The following TEKT3 variants were observed in gnomAD, a reference collection of about 807,000 sequenced individuals.
The protein encoded by TEKT3 is tektin 3, also known as tektin-3.
A neutral mutation model predicts 49.8 loss-of-function variants in TEKT3; 49 were observed. That is an observed-to-expected ratio of 0.98 (90% confidence interval 0.78 to 1.25). TEKT3 has a LOEUF of 1.25. Ranked by LOEUF, TEKT3 falls within the 50% of genes most tolerant of loss-of-function variation. The probability of loss-of-function intolerance (pLI) is 0.00; values close to 1 mark genes in which losing one functional copy is unlikely to be tolerated. For synonymous variants in TEKT3, 225 were observed against 237.2 expected (o/e 0.95, Z 0.47); for missense variants, 595 against 629.5 (o/e 0.95, Z 0.59).
intron 5 of TEKT3, among the ~76,000 whole-genome samples, chr17:15,314,942 G>T (rs1466343583): frequency 6.6e-6 from 1 of 152,210 alleles, no homozygotes; most frequent in Non-Finnish European, 1.5e-5. Context: ...CTGCCAGGCA[G>T]ACAGGGGACC....
chr17:15,333,773 T>A (rs923729891), intron 2 of TEKT3, among the ~76,000 whole-genome samples: 2 of 150,928 alleles, frequency 1.3e-5, no homozygotes, highest in African/African-American at 4.9e-5. Flanking sequence ...TTTATTTTTA[T>A]TTTTTAGACA....
intron 5 of TEKT3, among the ~76,000 whole-genome samples, chr17:15,318,236 G>A (rs963237716): frequency 7.2e-5 from 11 of 151,920 alleles, no homozygotes; most frequent in African/African-American, 1.2e-4. Flanking sequence ...TGATCTGCCC[G>A]CCCCGGCCTC....
At chr17:15,328,143 T>C (rs1040783627) in intron 3 of TEKT3, 68 bp from the exon 4 acceptor site, 1 of 1,448,700 alleles carries the variant, frequency 6.9e-7, no homozygotes, top group African/African-American at 1.4e-5. Flanking sequence ...GCTCTAATAA[T>C]TTGTTTCAAA....
chr17:15,304,038 A>G lies in TEKT3; in HGVS notation c.1371T>C (p.Tyr457=). Residue 457 remains tyrosine (Y), a synonymous_variant, in exon 9 of 9, where the codon TAT becomes TAC. Transcript: ENST00000395930. The surrounding 1 kb of genome is among the most constrained non-coding windows in gnomAD (Gnocchi z 4.7). ...SLVHIKATLE[Y]DLAVKANSLY... ...GGGAATTGGCTTTGACAGCCAGGTC[A>G]TACTCGAGTGTGGCTTTGATGTGGA... 3 of 1,614,138 alleles carry G rather than the reference A, an allele frequency of 1.9e-6. No homozygotes were observed. The highest frequency in any genetic ancestry group is 2.5e-6 in the Non-Finnish European group (3 of 1,180,028).
At position 15,331,360 on chromosome 17, in the gene TEKT3, A is replaced by G; in HGVS notation, c.226T>C (p.Ser76Pro). ...ACAAAGGGAAGCATGGTATTCTCGG[A>G]CACCCTCTGTGATCTGGTGCAGTAC... ...APYCTRSQRV[S>P]ENTMLPFVSN... The change falls in exon 3 of 9, where the codon TCC (serine) becomes CCC (proline). Residue 76 changes from serine to proline, a missense_variant. Coordinates refer to ENST00000395930, the MANE Select transcript of TEKT3 (RefSeq NM_031898.3). 1 of 1,614,178 alleles carries G rather than the reference A, an allele frequency of 6.2e-7. No individual in the cohort carries two copies. Among genetic ancestry groups the G allele is most frequent in the South Asian group, 1.1e-5 (1 of 91,076 alleles).
rs1028718611 is a variant in TEKT3 at position 15,308,925 on chromosome 17, G to A, written c.1102-107C>T. On this transcript the variant is annotated intron_variant, in intron 7 of 8. Coordinates refer to ENST00000395930, the MANE Select transcript of TEKT3 (RefSeq NM_031898.3). ...CATGTCCAGCACGTGCCTTGACCTC[G>A]CTGATGAGGAAGTTGCTTCACCAAG... The A allele has an allele frequency of 2.1e-5, 29 of 1,363,050 alleles. No homozygotes were observed. In the East Asian group the frequency reaches 2.6e-4, roughly 12 times the overall value. The allele number at this position is 1,363,050 out of a possible 1,614,324, so 84.4% of individuals were successfully genotyped here. A position where few individuals can be genotyped will look rare whatever the true frequency, so the allele number is the denominator to read the frequency against.
chr17:15,317,169 A>G (rs1416485301), intron 5 of TEKT3, among the ~76,000 whole-genome samples: 1 of 152,186 alleles, frequency 6.6e-6, no homozygotes, highest in African/African-American at 2.4e-5. Context: ...AGGAAAGCCA[A>G]TCTCCTTAAA....
In TEKT3 at chr17:15,312,265, T is replaced by C; in HGVS notation, c.1095A>G (p.Leu365=). Residue 365 remains leucine, a synonymous_variant, in exon 7 of 9, where the codon TTA becomes TTG. Transcript: ENST00000395930. Reference sequence around the variant, plus strand: ...CCACTGGCGGTTGATTTACCTTTGCTAAGTGCGTCTGAATCTTATTCTTAG... The same window carrying C: ...CCACTGGCGGTTGATTTACCTTTGCCAAGTGCGTCTGAATCTTATTCTTAG... ...ADAKNKIQTH[L]AKTLQEIFQT... 11 of 1,614,180 alleles carry C rather than the reference T, an allele frequency of 6.8e-6. No individual in the cohort carries two copies. The highest frequency in any genetic ancestry group is 9.3e-6 in the Non-Finnish European group (11 of 1,180,034).
intron 7 of TEKT3, among the ~76,000 whole-genome samples, chr17:15,309,100 G>A (rs1171368709): frequency 6.6e-6 from 1 of 152,168 alleles, no homozygotes; most frequent in Non-Finnish European, 1.5e-5. Context: ...CAGGGTGGGA[G>A]TATTTCAACT....
chr17:15,319,125 C>T lies in TEKT3; in HGVS notation c.686G>A (p.Cys229Tyr). 6.2e-7 allele frequency: 1 copy of T among 1,610,556 alleles called. No homozygotes were observed. Among genetic ancestry groups the T allele is most frequent in the South Asian group, 1.1e-5 (1 of 90,068 alleles). Reference protein sequence around the residue: ...LLTEVDTILCCQERMKLHLDK... With the variant: ...LLTEVDTILCYQERMKLHLDK... ...CAAATGTAGCTTCATTCTTTCTTGA[C>T]AACACAGAATAGTATCAACTTCCTA... Residue 229 changes from cysteine (C) to tyrosine (Y), a missense_variant, in exon 5 of 9, where the codon TGT becomes TAT. Cys to Tyr is a radical substitution (Grantham distance 194, BLOSUM62 -2). Transcript: ENST00000395930.
intron 5 of TEKT3, among the ~76,000 whole-genome samples, chr17:15,318,143 C>T (rs928159429): frequency 6.6e-5 from 10 of 152,054 alleles, no homozygotes; most frequent in African/African-American, 2.4e-4. Context: ...GCGCCTGCCA[C>T]CATGCCCGGC....
chr17:15,304,215 C>T lies in TEKT3; in HGVS notation c.1257-63G>A. ...GTAGCTTACGCAACTCCAAGTACAT[C>T]ACATTGTAACCAGCGATGCAAAGCT... On this transcript the variant is annotated intron_variant, in intron 8 of 8. Transcript: ENST00000395930. This position sits in a 1 kb window ranked among gnomAD's most constrained non-coding sequence, Gnocchi z 4.7. 1 of 1,533,900 alleles carries T rather than the reference C, an allele frequency of 6.5e-7. No individual in the cohort carries two copies. The highest frequency in any genetic ancestry group is 9.0e-7 in the Non-Finnish European group (1 of 1,110,962).
intron 4 of TEKT3, among the ~76,000 whole-genome samples, chr17:15,326,785 T>G (rs1911511236): frequency 6.6e-6 from 1 of 152,198 alleles, no homozygotes; most frequent in African/African-American, 2.4e-5. Flanking sequence ...GGGCTCCAGG[T>G]ACATGATACT....
intron 2 of TEKT3, among the ~76,000 whole-genome samples, chr17:15,332,168 G>A (rs1456392165): frequency 6.6e-6 from 1 of 152,068 alleles, no homozygotes; most frequent in South Asian, 2.1e-4. Flanking sequence ...ACTCCAGCCT[G>A]GGCTACAGAG....
At chr17:15,305,131 A>C (rs1910491288) in intron 8 of TEKT3, among the ~76,000 whole-genome samples, 1 of 152,208 alleles carries the variant, frequency 6.6e-6, no homozygotes, top group South Asian at 2.1e-4. Flanking sequence ...CCAAGGTCTG[A>C]ATCCATGGGA....
intron 4 of TEKT3, among the ~76,000 whole-genome samples, chr17:15,321,473 C>A (rs1202831023): frequency 2.6e-5 from 4 of 152,120 alleles, no homozygotes; most frequent in Non-Finnish European, 5.9e-5. Context: ...TGGAGGTGGC[C>A]TTGAAATACC....
At chr17:15,320,471 A>G (rs772671408) in intron 4 of TEKT3, among the ~76,000 whole-genome samples, 3 of 152,182 alleles carry the variant, frequency 2.0e-5, no homozygotes, top group African/African-American at 7.2e-5. Context: ...ATGATATCAA[A>G]TCTATCAAAT....
chr17:15,313,463 C>A (rs1910854480), intron 6 of TEKT3, among the ~76,000 whole-genome samples: 1 of 152,128 alleles, frequency 6.6e-6, no homozygotes, highest in African/African-American at 2.4e-5. Flanking sequence ...CCCACAGCAT[C>A]CAGGGCATGC....
chr17:15,312,137 C>T, intron 7 of TEKT3, 122 bp downstream of exon 7: 1 of 883,064 alleles, frequency 1.1e-6, no homozygotes, highest in Non-Finnish European at 1.8e-6. Context: ...ATTTTTCTTG[C>T]TCTGTGTGGC....
Sources: gnomAD v4.1 joint callset for allele counts (sites outside exome capture counted in the v4.1 genomes callset) on GRCh38, gnomAD v4.1.1 for gene constraint, Gnocchi (gnomAD v3.1) non-coding constraint, MANE v1.5 for transcripts, NCBI Gene and HGNC (gene_info 2026-07-23, HGNC 2026-07-21) for gene names.